The following ADCY9 variants were observed in gnomAD, a reference collection of about 807,000 sequenced individuals.
ADCY9 encodes adenylate cyclase 9.
In ADCY9, 50 loss-of-function variants were observed where a neutral mutation model predicts 101.5. The ratio of observed to expected loss-of-function variants is 0.49; its 90% CI spans 0.39 to 0.62. The LOEUF is 0.62. Among genes scored for constraint, ADCY9 ranks in the 20% least tolerant of loss-of-function variants. The pLI is 0.00. For missense variants in ADCY9, 1,662 were observed against 1,800.4 expected (o/e 0.92, Z 1.39); for synonymous variants, 905 against 769.3 (o/e 1.18, Z -2.92).
rs927484318 is a variant in ADCY9 at position 3,965,001 on chromosome 16, C to CG, written c.*773dup. ...ATGGGGAGACCCCTGGGTGGAGGGT[C>CG]GGGGGTGAGAGGCGGCTCTGAGACC... On this transcript the variant is annotated 3_prime_UTR_variant, in exon 11 of 11. Coordinates refer to ENST00000294016, the MANE Select transcript of ADCY9 (RefSeq NM_001116.4). The CG allele has an allele frequency of 6.6e-6, 1 of 152,244 alleles. No individual in the cohort carries two copies. Among genetic ancestry groups the CG allele is most frequent in the African/African-American group, 2.4e-5 (1 of 41,452 alleles). The allele number at this position is 152,244 out of a possible 1,614,324, so 9.4% of individuals were successfully genotyped here.
chr16:4,067,942 A>G (rs1555442678), intron 2 of ADCY9, among the ~76,000 whole-genome samples: 1 of 152,144 alleles, frequency 6.6e-6, no homozygotes, highest in Non-Finnish European at 1.5e-5. Context: ...AATTTAATTA[A>G]TTCTTTAATT....
intron 2 of ADCY9, among the ~76,000 whole-genome samples, chr16:4,102,555 A>G (rs1197475437): frequency 6.6e-6 from 1 of 152,148 alleles, no homozygotes; most frequent in African/African-American, 2.4e-5. Context: ...CCGCCCGAGT[A>G]GCTGGGACCA....
chr16:4,054,790 A>T (rs913256777), intron 2 of ADCY9, among the ~76,000 whole-genome samples: 2 of 152,070 alleles, frequency 1.3e-5, no homozygotes, highest in African/African-American at 4.8e-5. Context: ...GATGGTCTAA[A>T]TCTCCTGACC....
intron 2 of ADCY9, among the ~76,000 whole-genome samples, chr16:4,036,101 T>C (rs1230195965): frequency 2.0e-5 from 3 of 146,552 alleles, no homozygotes; most frequent in Non-Finnish European, 3.0e-5. Flanking sequence ...GCCAGAGCTG[T>C]GATCTTCCAG....
chr16:3,961,009 G>C (rs1040107589), downstream of ADCY9, among the ~76,000 whole-genome samples: 1 of 152,134 alleles, frequency 6.6e-6, no homozygotes, highest in African/African-American at 2.4e-5. Context: ...CCCACAGTGG[G>C]GGAAAAGCAA....
chr16:4,041,026 T>C (rs2056623046), intron 2 of ADCY9, among the ~76,000 whole-genome samples: 1 of 152,002 alleles, frequency 6.6e-6, no homozygotes, highest in African/African-American at 2.4e-5. Flanking sequence ...AATTTCTGGA[T>C]GGAAAAGACC....
chr16:4,092,035 G>A (rs533457773), intron 2 of ADCY9, among the ~76,000 whole-genome samples: 48 of 152,348 alleles, frequency 3.2e-4, no homozygotes, highest in East Asian at 1.9e-4. Flanking sequence ...CCGGGAGGCC[G>A]AGGCGGGCAG....
chr16:4,030,530 C>T (rs769635470), intron 2 of ADCY9, among the ~76,000 whole-genome samples: 19 of 152,070 alleles, frequency 1.2e-4, no homozygotes, highest in African/African-American at 1.7e-4. Flanking sequence ...GGTGAAACCC[C>T]GTCTCTACTA....
At chr16:4,044,620 C>T (rs905545754) in intron 2 of ADCY9, among the ~76,000 whole-genome samples, 11 of 152,184 alleles carry the variant, frequency 7.2e-5, no homozygotes, top group Non-Finnish European at 1.0e-4. Flanking sequence ...CCTTTAACCA[C>T]GAGCCACTTT....
intron 2 of ADCY9, among the ~76,000 whole-genome samples, chr16:4,050,473 G>A (rs1372222273): frequency 1.3e-5 from 2 of 152,138 alleles, no homozygotes; most frequent in Non-Finnish European, 2.9e-5. Context: ...CAGCACTCTG[G>A]GAAGCCAAGA....
At chr16:4,087,745 G>A (rs1199079849) in intron 2 of ADCY9, among the ~76,000 whole-genome samples, 1 of 151,736 alleles carries the variant, frequency 6.6e-6, no homozygotes, top group African/African-American at 2.4e-5. Flanking sequence ...CTACAGTCCT[G>A]AAGCAATCCT....
chr16:4,046,368 G>A (rs1250516127), intron 2 of ADCY9, among the ~76,000 whole-genome samples: 1 of 151,842 alleles, frequency 6.6e-6, no homozygotes, highest in East Asian at 1.9e-4. Flanking sequence ...GCAGATCCAC[G>A]AATGGGCAGA....
chr16:4,070,011 T>C (rs1025276801), intron 2 of ADCY9, among the ~76,000 whole-genome samples: 1 of 152,090 alleles, frequency 6.6e-6, no homozygotes, highest in African/African-American at 2.4e-5. Flanking sequence ...GGCACAAGAA[T>C]TGCTTGAACC....
intron 2 of ADCY9, among the ~76,000 whole-genome samples, chr16:4,103,419 T>C (rs896387615): frequency 2.0e-5 from 3 of 152,166 alleles, no homozygotes; most frequent in African/African-American, 7.2e-5. Context: ...AAGCCATGGG[T>C]GAAACTGCTA....
At position 3,983,323 on chromosome 16, in the gene ADCY9, C is replaced by T. The variant is rs186527865; in HGVS notation, c.2428G>A (p.Glu810Lys). ...TLSTTCFLKY[E>K]AATVPPPPAA... ...GGCGGGGGAGGCACGGTGGCCGCCT[C>T]GTACTTCAGGAAGCAGGTGGTGGAC... Residue 810 changes from glutamate to lysine, a missense_variant, in exon 7 of 11, where the codon GAG becomes AAG. By Grantham distance (56) the Glu-to-Lys change is moderately conservative (BLOSUM62 1). Transcript: ENST00000294016. 3.9e-5 allele frequency: 61 copies of T among 1,579,226 alleles called. No individual in the cohort carries two copies. Among genetic ancestry groups the T allele is most frequent in the South Asian group, 1.7e-4 (15 of 86,212 alleles).
rs746866743 is a variant in ADCY9, at chr16:3,977,532, G to A, written c.2778C>T (p.Val926=). The A allele has an allele frequency of 4.6e-5, 74 of 1,598,148 alleles. No homozygotes were observed. The highest frequency in any genetic ancestry group is 7.0e-5 in the Admixed American group (4 of 57,552). The change falls in exon 9 of 11, where the codon GTC becomes GTT. Residue 926 remains valine (V), a synonymous_variant. Transcript: ENST00000294016. ...SSWMRSSLAT[V]VGAGPLLLLY... is the part of the protein sequence containing the mutation. Reference sequence around the variant, plus strand: ...GCAGGAGCAGCGGCCCGGCCCCCACGACGGTGGCGAGGGAGGACCTCATCC... The same window carrying A: ...GCAGGAGCAGCGGCCCGGCCCCCACAACGGTGGCGAGGGAGGACCTCATCC...
At chr16:4,079,771 A>G (rs1262513767) in intron 2 of ADCY9, among the ~76,000 whole-genome samples, 2 of 152,024 alleles carry the variant, frequency 1.3e-5, no homozygotes, top group African/African-American at 4.8e-5. Flanking sequence ...TTTTGAATAA[A>G]TATTTGATAT....
At chr16:4,091,293 C>T (rs757154274) in intron 2 of ADCY9, among the ~76,000 whole-genome samples, 7 of 152,144 alleles carry the variant, frequency 4.6e-5, no homozygotes, top group Non-Finnish European at 7.4e-5. Context: ...AGGCTGGTCT[C>T]GAACTCCTGA....
At chr16:4,022,490 CA>C (rs58498676) in intron 2 of ADCY9, among the ~76,000 whole-genome samples, 230 of 65,022 alleles carry the variant, frequency 3.5e-3, no homozygotes, top group African/African-American at 0.015. Flanking sequence ...GACTCCGTCT[CA>C]AAAAAAAAAA....
Sources: gnomAD v4.1 joint callset for allele counts (sites outside exome capture counted in the v4.1 genomes callset) on GRCh38, gnomAD v4.1.1 for gene constraint, MANE v1.5 for transcripts, NCBI Gene and HGNC (gene_info 2026-07-23, HGNC 2026-07-21) for gene names.